CTNND1: variants seen among roughly 807,000 people sequenced by gnomAD.
CTNND1 encodes the protein catenin delta 1.
In CTNND1, 16 loss-of-function variants were observed where a neutral mutation model predicts 112.1. The observed-to-expected ratio is 0.14, with a 90% confidence interval of 0.10 to 0.22. The LOEUF is 0.22. CTNND1 is among the 10% of genes least tolerant of loss of function. CTNND1 has a pLI of 1.00. For missense variants in CTNND1, 1,008 were observed against 1,257.0 expected (o/e 0.80, Z 3.00); for synonymous variants, 420 against 446.5 (o/e 0.94, Z 0.75).
intron 17 of CTNND1, among the ~76,000 whole-genome samples, chr11:57,813,008 T>C (rs1426782831): frequency 6.6e-6 from 1 of 152,224 alleles, no homozygotes; most frequent in African/African-American, 2.4e-5. Context: ...TATTTGCCAC[T>C]GTGAGCCTGG....
chr11:57,809,389 C>T lies in CTNND1; in HGVS notation c.2358C>T (p.Ile786=), dbSNP rs571060265. 25 of 1,613,954 alleles carry T rather than the reference C, an allele frequency of 1.5e-5. No homozygotes were observed. Among genetic ancestry groups the T allele is most frequent in the South Asian group, 6.6e-5 (6 of 91,074 alleles). ...ISILNTINEV[I]AENLEAAKKL... ...TTTTGAACACTATCAACGAGGTTAT[C>T]GCTGAGAACTTGGAGGCTGCCAAAA... The change falls in exon 15 of 21, where the codon ATC becomes ATT. Residue 786 remains isoleucine (I), a synonymous_variant. Transcript: ENST00000399050.
chr11:57,781,444 T>C (rs1355178039), intron 1 of CTNND1, among the ~76,000 whole-genome samples: 1 of 152,214 alleles, frequency 6.6e-6, no homozygotes, highest in Non-Finnish European at 1.5e-5. Context: ...CTTTTTCTTA[T>C]TTTTCATAGT....
At chr11:57,776,583 G>C (rs1178955756) in intron 1 of CTNND1, among the ~76,000 whole-genome samples, 1 of 152,172 alleles carries the variant, frequency 6.6e-6, no homozygotes, top group Non-Finnish European at 1.5e-5. Flanking sequence ...ATTCAGCTTA[G>C]GTCTTGGGCC....
In CTNND1 at chr11:57,806,805, G is replaced by A. The variant is rs568827628; in HGVS notation, c.1895-110G>A. 16 of 911,946 alleles carry A rather than the reference G, an allele frequency of 1.8e-5. No individual in the cohort carries two copies. In the East Asian group the frequency reaches 3.7e-4, roughly 21 times the overall value. 56.5% of individuals were successfully genotyped at this position (911,946 alleles called of 1,614,324 possible). On this transcript the variant is annotated intron_variant, in intron 11 of 20. Coordinates refer to ENST00000399050, the MANE Select transcript of CTNND1 (RefSeq NM_001085458.2). ...CTCACCTGCCCCTTTTCCCCTCGTG[G>A]TGCATCTGTGATCAAAAGGTTCTGA...
intron 6 of CTNND1, among the ~76,000 whole-genome samples, chr11:57,800,238 CCTT>C (rs1331327953): frequency 6.6e-6 from 1 of 151,198 alleles, no homozygotes; most frequent in Non-Finnish European, 1.5e-5. Flanking sequence ...TTTAGTACCC[CCTT>C]CTTGATTTGA....
chr11:57,790,853 C>T (rs373340667), intron 2 of CTNND1, among the ~76,000 whole-genome samples: 74 of 152,174 alleles, frequency 4.9e-4, no homozygotes, highest in Middle Eastern at 3.4e-3. Flanking sequence ...CCACAGTGCC[C>T]GGCCTTTTCA....
intron 12 of CTNND1, among the ~76,000 whole-genome samples, chr11:57,807,627 A>AAAAAAAAAAAG (rs1565367494): frequency 7.1e-6 from 1 of 141,340 alleles, no homozygotes; most frequent in Non-Finnish European, 1.6e-5. Flanking sequence ...AAAAAAAAAA[A>AAAAAAAAAAAG]AAAAGAAAAG....
chr11:57,800,960 C>A (rs1264922092), intron 6 of CTNND1, among the ~76,000 whole-genome samples: 1 of 152,152 alleles, frequency 6.6e-6, no homozygotes, highest in East Asian at 1.9e-4. Context: ...GGCTGGGCTT[C>A]CCAAATGTGA....
At position 57,816,297 on chromosome 11, in the gene CTNND1, CAGA is replaced by C. The variant is rs1210171704; in HGVS notation, c.2900_2902del (p.Lys967del). 1 of 1,613,668 alleles carries C rather than the reference CAGA, an allele frequency of 6.2e-7. No individual in the cohort carries two copies. Among genetic ancestry groups the C allele is most frequent in the Non-Finnish European group, 8.5e-7 (1 of 1,179,694 alleles). Reference sequence around the variant, plus strand: ...CTCTCTTTCTCTTTTTTCTCCACAGCAGAAGATTTAGCACCACTATCTCCGTTC... The same window carrying C: ...CTCTCTTTCTCTTTTTTCTCCACAGCAGATTTAGCACCACTATCTCCGTTC... On this transcript the variant is annotated inframe_deletion and splice_region_variant, in exon 21 of 21. Transcript: ENST00000399050.
At chr11:57,783,758 C>A (rs1035083338) in intron 1 of CTNND1, among the ~76,000 whole-genome samples, 13 of 151,958 alleles carry the variant, frequency 8.6e-5, no homozygotes, top group African/African-American at 2.7e-4. Flanking sequence ...AATATTTCTT[C>A]AAATTTGGGG....
chr11:57,792,765 G>A (rs949504294), intron 3 of CTNND1, among the ~76,000 whole-genome samples: 1 of 151,772 alleles, frequency 6.6e-6, no homozygotes, highest in African/African-American at 2.4e-5. Flanking sequence ...TCTTGACCTC[G>A]TGATCCACCT....
chr11:57,797,071 GC>G, intron 6 of CTNND1, 79 bp downstream of exon 6: 1 of 1,280,354 alleles, frequency 7.8e-7, no homozygotes. Flanking sequence ...ACTTCTAGGG[GC>G]TTTTTGGGAT....
intron 1 of CTNND1, among the ~76,000 whole-genome samples, chr11:57,769,405 C>T (rs1952001878): frequency 6.6e-6 from 1 of 152,084 alleles, no homozygotes; most frequent in Admixed American, 6.5e-5. Context: ...CTACTTCAGC[C>T]CCTGGAGTAG....
intron 1 of CTNND1, among the ~76,000 whole-genome samples, chr11:57,779,090 T>G (rs2059308907): frequency 6.6e-6 from 1 of 152,164 alleles, no homozygotes; most frequent in Non-Finnish European, 1.5e-5. Flanking sequence ...TAGAAGGAAA[T>G]AAATGTTAAG....
chr11:57,810,275 G>T lies in CTNND1; in HGVS notation c.2550+52G>T, dbSNP rs2063175420. On this transcript the variant is annotated intron_variant, in intron 16 of 20. Transcript: ENST00000399050. ...TTTACTTTTTTTTTCTTGGTCCCAG[G>T]ATAATGCTTCTGTTTTCTTTCGTTT... 2.3e-6 allele frequency: 3 copies of T among 1,316,276 alleles called. No individual in the cohort carries two copies. In the South Asian group the frequency reaches 4.0e-5, roughly 18 times the overall value. The allele number at this position is 1,316,276 out of a possible 1,614,324, so 81.5% of individuals were successfully genotyped here. A position where few individuals can be genotyped will look rare whatever the true frequency, so the allele number is the denominator to read the frequency against.
At position 57,801,719 on chromosome 11, in the gene CTNND1, C is replaced by A. The variant is rs571444216; in HGVS notation, c.957-14C>A. The A allele has an allele frequency of 8.7e-6, 14 of 1,601,640 alleles. No homozygotes were observed. The South Asian group carries it at 1.6e-4, about 18-fold the overall frequency. ...GACTTGATGTATTCTCTTGGTTCTT[C>A]CAAAACTTCTCAGGAGCTATGAAGA... On this transcript the variant is annotated splice_polypyrimidine_tract_variant and intron_variant, in intron 6 of 20. Coordinates refer to ENST00000399050, the MANE Select transcript of CTNND1 (RefSeq NM_001085458.2).
At position 57,818,909 on chromosome 11, in the gene CTNND1, C is replaced by G. The variant is rs2064110456; in HGVS notation, c.*2601C>G. 6.6e-6 allele frequency: 1 copy of G among 152,188 alleles called. No individual in the cohort carries two copies. The highest frequency in any genetic ancestry group is 1.5e-5 in the Non-Finnish European group (1 of 68,034). The allele number at this position is 152,188 out of a possible 1,614,324, so 9.4% of individuals were successfully genotyped here. A position where few individuals can be genotyped will look rare whatever the true frequency, so the allele number is the denominator to read the frequency against. On this transcript the variant is annotated 3_prime_UTR_variant, in exon 21 of 21. Transcript: ENST00000399050. ...ATCAAAAGGCCCATGTATATAAGTA[C>G]TGACCACTGGGCCATAATGTTGCTT...
chr11:57,806,362 C>T (rs1437883114), intron 10 of CTNND1, 99 bp from the exon 11 acceptor site: 1 of 1,129,694 alleles, frequency 8.9e-7, no homozygotes, highest in African/African-American at 1.6e-5. Flanking sequence ...CTCTGTGCTT[C>T]CCTGCTTATT....
chr11:57,793,501 C>G (rs977539372), intron 3 of CTNND1, among the ~76,000 whole-genome samples: 14 of 152,108 alleles, frequency 9.2e-5, no homozygotes, highest in African/African-American at 3.4e-4. Flanking sequence ...TTGCTTCTTT[C>G]TTTAAAAAGC....
Sources: allele counts gnomAD v4.1 joint callset (sites outside exome capture counted in the v4.1 genomes callset), GRCh38; gene constraint gnomAD v4.1.1; transcripts MANE v1.5; gene names NCBI Gene and HGNC (gene_info 2026-07-23, HGNC 2026-07-21).